TMEM260: variants seen among roughly 807,000 people sequenced by gnomAD.
The protein encoded by TMEM260 is protein O-mannosyl-transferase TMEM260.
Under a neutral mutation model 88.9 loss-of-function variants are expected in TMEM260, and 82 were observed. The ratio of observed to expected loss-of-function variants is 0.92; its 90% confidence interval spans 0.77 to 1.11. TMEM260 has a LOEUF of 1.11. Among genes scored for constraint, TMEM260 ranks in the 50% least tolerant of loss-of-function variants. TMEM260 has a pLI of 0.00. For missense variants in TMEM260, 902 were observed against 853.4 expected (o/e 1.06, Z -0.71); for synonymous variants, 314 against 309.3 (o/e 1.02, Z -0.16).
intron 3 of TMEM260, among the ~76,000 whole-genome samples, chr14:56,600,422 G>A (rs1449484668): frequency 1.3e-5 from 2 of 152,148 alleles, no homozygotes; most frequent in Non-Finnish European, 2.9e-5. Context: ...GACTCTAGCT[G>A]TGGTTAGCCG....
intron 15 of TMEM260, among the ~76,000 whole-genome samples, chr14:56,644,096 G>C (rs1889792422): frequency 6.6e-6 from 1 of 152,134 alleles, no homozygotes; most frequent in African/African-American, 2.4e-5. Flanking sequence ...GTAATTTATA[G>C]ATTCAATGCC....
At position 56,579,873 on chromosome 14, in the gene TMEM260, C is replaced by G. The variant is rs1884985924; in HGVS notation, c.-42C>G. ...GGGGAGCTCCGTGTCGCACCGGGTT[C>G]TTGGGCTGGCCGTGTCCTTCTCCCT... On this transcript the variant is annotated 5_prime_UTR_variant, in exon 1 of 16. Coordinates refer to ENST00000261556, the MANE Select transcript of TMEM260 (RefSeq NM_017799.4). 1.6e-6 allele frequency: 2 copies of G among 1,231,332 alleles called. No individual in the cohort carries two copies. Among genetic ancestry groups the G allele is most frequent in the African/African-American group, 3.1e-5 (2 of 64,484 alleles). The allele number at this position is 1,231,332 out of a possible 1,614,324, so 76.3% of individuals were successfully genotyped here.
At chr14:56,653,736 C>CAGAAAAAAAAAAAAA (rs1890246666), downstream of TMEM260, among the ~76,000 whole-genome samples, 1 of 66,608 alleles carries the variant, frequency 1.5e-5, no homozygotes, top group African/African-American at 5.9e-5. Flanking sequence ...CTCTTGTCTC[C>CAGAAAAAAAAAAAAA]AAAACAAAAA....
At position 56,579,863 on chromosome 14, in the gene TMEM260, G is replaced by T; in HGVS notation, c.-52G>T. 8.1e-7 allele frequency: 1 copy of T among 1,229,090 alleles called. No homozygotes were observed. The highest frequency in any genetic ancestry group is 1.0e-6 in the Non-Finnish European group (1 of 985,628). 76.1% of individuals were successfully genotyped at this position (1,229,090 alleles called of 1,614,324 possible). A position where few individuals can be genotyped will look rare whatever the true frequency, so the allele number is the denominator to read the frequency against. On this transcript the variant is annotated 5_prime_UTR_variant, in exon 1 of 16. Transcript: ENST00000261556. ...TCTCTCGGCTGGGGAGCTCCGTGTC[G>T]CACCGGGTTCTTGGGCTGGCCGTGT...
At chr14:56,603,634 T>C (rs1886709831) in intron 3 of TMEM260, among the ~76,000 whole-genome samples, 181 bp from the exon 4 acceptor site, 2 of 152,206 alleles carry the variant, frequency 1.3e-5, no homozygotes, top group African/African-American at 4.8e-5. Flanking sequence ...GGTTAACATA[T>C]GAACTTCCTA....
the TMEM260 span, among the ~76,000 whole-genome samples, chr14:56,662,776 G>C: frequency 5.1e-4 from 78 of 152,332 alleles, no homozygotes; most frequent in African/African-American, 1.7e-3. Flanking sequence ...CAGTGCAAGG[G>C]CATTTGGGAA....
At chr14:56,580,757 A>G (rs1259026863) in intron 1 of TMEM260, among the ~76,000 whole-genome samples, 1 of 152,274 alleles carries the variant, frequency 6.6e-6, no homozygotes, top group African/African-American at 2.4e-5. Flanking sequence ...AAATCACACT[A>G]ATTGTTTTGT....
At chr14:56,624,417 T>C (rs563360894) in intron 11 of TMEM260, among the ~76,000 whole-genome samples, 1 of 152,186 alleles carries the variant, frequency 6.6e-6, no homozygotes, top group Non-Finnish European at 1.5e-5. Context: ...CTATCAAAAA[T>C]ACAAAAATTA....
At chr14:56,589,762 C>G (rs944940874) in intron 3 of TMEM260, among the ~76,000 whole-genome samples, 3 of 152,044 alleles carry the variant, frequency 2.0e-5, no homozygotes, top group Admixed American at 1.3e-4. Flanking sequence ...TTTTAAACAT[C>G]GTGTTGCTGC....
chr14:56,585,841 C>G lies in TMEM260; in HGVS notation c.273C>G (p.Ala91=). The change falls in exon 3 of 16, where the codon GCC becomes GCG. Residue 91 remains alanine (A), a synonymous_variant. Coordinates refer to ENST00000261556, the MANE Select transcript of TMEM260 (RefSeq NM_017799.4). ...AITLFPFGSI[A]YRVNLLCGLF... is the part of the protein sequence containing the mutation. ...CACTGTTTCCTTTTGGTTCAATTGC[C>G]TACCGCGTCAATCTTCTCTGTGGCT... 1 of 1,613,766 alleles carries G rather than the reference C, an allele frequency of 6.2e-7. No homozygotes were observed. The highest frequency in any genetic ancestry group is 8.5e-7 in the Non-Finnish European group (1 of 1,179,754).
chr14:56,581,064 T>C (rs534700571), intron 1 of TMEM260, among the ~76,000 whole-genome samples: 27 of 152,330 alleles, frequency 1.8e-4, no homozygotes, highest in Non-Finnish European at 3.4e-4. Flanking sequence ...AGGCTCAATT[T>C]GGGGAGAAAC....
chr14:56,624,881 TG>T (rs987482764), intron 11 of TMEM260, among the ~76,000 whole-genome samples: 1 of 74,354 alleles, frequency 1.3e-5, no homozygotes, highest in Non-Finnish European at 2.6e-5. Flanking sequence ...GACTGGGGGT[TG>T]GGGGTGGGGG....
the TMEM260 span, among the ~76,000 whole-genome samples, chr14:56,659,866 C>T: frequency 6.6e-6 from 1 of 152,126 alleles, no homozygotes; most frequent in Non-Finnish European, 1.5e-5. Context: ...ACACATTTTA[C>T]TCAGCATGAA....
In TMEM260 at chr14:56,647,521, C is replaced by G. The variant is rs775184467; in HGVS notation, c.*24C>G. The G allele has an allele frequency of 2.6e-6, 4 of 1,559,454 alleles. No homozygotes were observed. The highest frequency in any genetic ancestry group is 2.6e-6 in the Non-Finnish European group (3 of 1,158,234). On this transcript the variant is annotated 3_prime_UTR_variant, in exon 16 of 16. Transcript: ENST00000261556. ...GAGACAGCAAAATATGAAAAACCTG[C>G]TCATCGTTCAGCTTCCAAAATTCTG... is the stretch of plus-strand genomic sequence containing the variant.
intron 3 of TMEM260, among the ~76,000 whole-genome samples, chr14:56,593,909 G>C (rs866230863): frequency 6.6e-6 from 1 of 150,952 alleles, no homozygotes; most frequent in South Asian, 2.1e-4. Flanking sequence ...GGATGGTCTC[G>C]ATCTCCTGAC....
chr14:56,608,125 G>C (rs1173271808), intron 5 of TMEM260, among the ~76,000 whole-genome samples: 1 of 152,066 alleles, frequency 6.6e-6, no homozygotes, highest in Non-Finnish European at 1.5e-5. Flanking sequence ...AATGAAATCA[G>C]TACTGTAATA....
At chr14:56,611,495 C>T (rs1887273491) in intron 6 of TMEM260, among the ~76,000 whole-genome samples, 2 of 152,074 alleles carry the variant, frequency 1.3e-5, no homozygotes, top group Admixed American at 1.3e-4. Flanking sequence ...AATGAAATAC[C>T]ATCTCACACA....
intron 7 of TMEM260, chr14:56,612,497 G>T: frequency 1.8e-6 from 1 of 558,602 alleles, no homozygotes. Flanking sequence ...AAAAATCCAT[G>T]GGTGCTCAAG....
chr14:56,653,236 C>G (rs958852571), downstream of TMEM260, among the ~76,000 whole-genome samples: 3 of 152,058 alleles, frequency 2.0e-5, no homozygotes, highest in African/African-American at 7.2e-5. Flanking sequence ...TACCACAATG[C>G]ATTCGAGGTA....
Sources: allele counts gnomAD v4.1 joint callset (sites outside exome capture counted in the v4.1 genomes callset), GRCh38; gene constraint gnomAD v4.1.1; transcripts MANE v1.5; gene names NCBI Gene and HGNC (gene_info 2026-07-23, HGNC 2026-07-21).